Variants in THRB observed in about 807,000 individuals in gnomAD.
THRB encodes thyroid hormone receptor beta, also known as nuclear receptor subfamily 1 group A member 2.
A neutral mutation model predicts 47.8 loss-of-function variants in THRB; 12 were observed. The observed-to-expected ratio is 0.25, with a 90% CI of 0.16 to 0.41. The LOEUF (loss-of-function observed/expected upper bound fraction) is 0.41, where lower values mean the gene tolerates loss of function less well. THRB is among the 10% of genes least tolerant of loss of function. The probability of loss-of-function intolerance (pLI) is 1.00; values close to 1 mark genes in which losing one functional copy is unlikely to be tolerated. For missense variants in THRB, 348 were observed against 589.2 expected, an observed-to-expected ratio of 0.59 and a Z score of 4.24; for synonymous variants, 218 against 212.2, an observed-to-expected ratio of 1.03 and a Z score of -0.24.
intron 8 of THRB, among the ~76,000 whole-genome samples, chr3:24,141,940 A>T (rs2148986981): frequency 6.6e-6 from 1 of 152,338 alleles, no homozygotes; most frequent in African/African-American, 2.4e-5. Context: ...CTGTGTTAGA[A>T]TTTGTCTATC....
chr3:24,356,899 A>G (rs1213625195), intron 1 of THRB, among the ~76,000 whole-genome samples: 1 of 152,090 alleles, frequency 6.6e-6, no homozygotes, highest in Non-Finnish European at 1.5e-5. Context: ...TACACCAAAG[A>G]TGGTCTCTGA....
chr3:24,365,954 G>A (rs1577116773), intron 1 of THRB, among the ~76,000 whole-genome samples: 1 of 152,072 alleles, frequency 6.6e-6, no homozygotes, highest in Admixed American at 6.5e-5. Flanking sequence ...CTTAAGAGGA[G>A]GAAATAAGAT....
intron 3 of THRB, among the ~76,000 whole-genome samples, chr3:24,280,961 T>G (rs1276074209): frequency 1.3e-5 from 2 of 152,174 alleles, no homozygotes; most frequent in African/African-American, 4.8e-5. Flanking sequence ...CTACGTCTGA[T>G]TGGTGTACCT....
chr3:24,234,167 A>T (rs907098907), intron 3 of THRB, among the ~76,000 whole-genome samples: 2 of 152,146 alleles, frequency 1.3e-5, no homozygotes, highest in African/African-American at 4.8e-5. Context: ...CTCCTCAAGA[A>T]ATGTAATGAA....
chr3:24,437,377 C>T (rs904765579), intron 1 of THRB, among the ~76,000 whole-genome samples: 1 of 151,718 alleles, frequency 6.6e-6, no homozygotes, highest in Non-Finnish European at 1.5e-5. Flanking sequence ...TTCCCAGAGG[C>T]TGAGAAGGGT....
intron 5 of THRB, among the ~76,000 whole-genome samples, chr3:24,169,465 C>A (rs1244091888): frequency 6.6e-6 from 1 of 151,984 alleles, no homozygotes; most frequent in African/African-American, 2.4e-5. Context: ...CACAGAATTG[C>A]CATACTAGCA....
At chr3:24,290,857 A>C (rs936974142) in intron 3 of THRB, among the ~76,000 whole-genome samples, 1 of 152,182 alleles carries the variant, frequency 6.6e-6, no homozygotes, top group Non-Finnish European at 1.5e-5. Context: ...AATACCTTAA[A>C]ATAATTCTTG....
At chr3:24,137,478 G>A (rs1474107566) in intron 8 of THRB, among the ~76,000 whole-genome samples, 1 of 152,186 alleles carries the variant, frequency 6.6e-6, no homozygotes, top group Non-Finnish European at 1.5e-5. Context: ...GGTCAGCCAA[G>A]GCCCCTTTGA....
chr3:24,360,248 C>T (rs1170027245), intron 1 of THRB, among the ~76,000 whole-genome samples: 1 of 152,114 alleles, frequency 6.6e-6, no homozygotes, highest in Non-Finnish European at 1.5e-5. Context: ...GATTTTTAAG[C>T]CAAGAACACT....
intron 3 of THRB, among the ~76,000 whole-genome samples, chr3:24,244,739 T>C (rs956816749): frequency 3.3e-5 from 5 of 152,152 alleles, no homozygotes; most frequent in African/African-American, 1.2e-4. Context: ...GGCAGTGAAC[T>C]GAGATGTTGC....
chr3:24,397,177 A>G (rs1360106338), intron 1 of THRB, among the ~76,000 whole-genome samples: 2 of 152,170 alleles, frequency 1.3e-5, no homozygotes, highest in Non-Finnish European at 2.9e-5. Context: ...GTCAGCTCTG[A>G]TGAATTTTTA....
At chr3:24,304,611 CT>C (rs1303051863) in intron 2 of THRB, among the ~76,000 whole-genome samples, 1 of 151,802 alleles carries the variant, frequency 6.6e-6, no homozygotes, top group African/African-American at 2.4e-5. Context: ...TAGTACTAAC[CT>C]TAGTAAGTTT....
chr3:24,276,087 C>T (rs560937984), intron 3 of THRB, among the ~76,000 whole-genome samples: 1 of 151,878 alleles, frequency 6.6e-6, no homozygotes, highest in South Asian at 2.1e-4. Context: ...TTGTAGACAG[C>T]CTTCTGAGTT....
rs1576542810 is a variant in THRB, at chr3:24,284,255, A to C, written c.-43+12971T>G. The stretch of plus-strand genomic sequence containing the variant: ...GAGATATAGATCAACGGAACAGAAC[A>C]GAGCCCTCAGAAATAACGCCACATA... On this transcript the variant is annotated intron_variant, in intron 3 of 10. Coordinates refer to ENST00000646209, the MANE Select transcript of THRB (RefSeq NM_001354712.2). 3.9e-5 allele frequency among the ~76,000 whole-genome samples: 6 copies of C among 151,942 alleles called. No homozygotes were observed. In the South Asian group the frequency reaches 1.3e-3, roughly 32 times the overall value.
At chr3:24,447,577 T>C in intron 1 of THRB, among the ~76,000 whole-genome samples, 1 of 152,176 alleles carries the variant, frequency 6.6e-6, no homozygotes, top group Non-Finnish European at 1.5e-5. Context: ...ATTTATCCTG[T>C]ATATAATCAG....
intron 1 of THRB, among the ~76,000 whole-genome samples, chr3:24,480,898 CT>C (rs1279283484): frequency 3.3e-5 from 5 of 152,170 alleles, no homozygotes; most frequent in Non-Finnish European, 1.5e-5. Context: ...CAGTGAGTTC[CT>C]CCTATCAGTG....
intron 9 of THRB, among the ~76,000 whole-genome samples, chr3:24,130,229 A>G (rs890211236): frequency 6.6e-6 from 1 of 152,184 alleles, no homozygotes; most frequent in Non-Finnish European, 1.5e-5. Context: ...ATGGAATCAA[A>G]AATGAAACAG....
At chr3:24,351,343 G>A (rs1045112577) in intron 1 of THRB, among the ~76,000 whole-genome samples, 2 of 151,972 alleles carry the variant, frequency 1.3e-5, no homozygotes, top group African/African-American at 4.8e-5. Context: ...AATGCCCTCC[G>A]ATATTCTGTT....
At chr3:24,332,288 T>C (rs1429651843) in intron 2 of THRB, among the ~76,000 whole-genome samples, 9 of 152,160 alleles carry the variant, frequency 5.9e-5, no homozygotes, top group Non-Finnish European at 1.3e-4. Flanking sequence ...GATAAAGCCA[T>C]ATGCTAAGAA....
Sources: gnomAD v4.1 joint callset for allele counts (sites outside exome capture counted in the v4.1 genomes callset) on GRCh38, gnomAD v4.1.1 for gene constraint, MANE v1.5 for transcripts, NCBI Gene and HGNC (gene_info 2026-07-23, HGNC 2026-07-21) for gene names.